Variants in PDE4D observed in about 807,000 individuals in gnomAD.
PDE4D encodes the protein phosphodiesterase 4D, also known as 3',5'-cyclic-AMP phosphodiesterase 4D.
In PDE4D, 24 loss-of-function variants were observed where a neutral mutation model predicts 87.4. The ratio of observed to expected loss-of-function variants is 0.27; its 90% CI spans 0.20 to 0.39. PDE4D has a LOEUF of 0.39. Ranked by LOEUF, PDE4D falls within the 10% of genes least tolerant of loss-of-function variation. The probability of loss-of-function intolerance (pLI) is 1.00; values close to 1 mark genes in which losing one functional copy is unlikely to be tolerated. For missense variants in PDE4D, 714 were observed against 1,041.0 expected (o/e 0.69, Z 4.32); for synonymous variants, 384 against 383.2 (o/e 1.00, Z -0.02).
chr5:59,591,391 C>G (rs1021794166), intron 1 of PDE4D, among the ~76,000 whole-genome samples: 10 of 152,128 alleles, frequency 6.6e-5, no homozygotes, highest in African/African-American at 2.2e-4. Flanking sequence ...ATTTCCTAGA[C>G]TCTTTAGTCA....
intron 1 of PDE4D, among the ~76,000 whole-genome samples, chr5:59,599,220 C>T (rs1410034906): frequency 1.5e-5 from 2 of 137,662 alleles, no homozygotes; most frequent in Non-Finnish European, 3.0e-5. Context: ...TAGCAAAATG[C>T]TGTTTTTTGC....
chr5:59,644,398 G>C (rs1426401360), intron 1 of PDE4D, among the ~76,000 whole-genome samples: 1 of 152,114 alleles, frequency 6.6e-6, no homozygotes, highest in Non-Finnish European at 1.5e-5. Context: ...TGTCTTTTAG[G>C]AATGGTTATA....
intron 5 of PDE4D, among the ~76,000 whole-genome samples, chr5:59,078,531 C>G (rs1157452793): frequency 1.4e-5 from 2 of 142,270 alleles, no homozygotes; most frequent in Non-Finnish European, 3.0e-5. Flanking sequence ...TTTTTGGTGA[C>G]AGGGTCTCAC....
chr5:60,212,996 G>A (rs551881700), intron 1 of PDE4D, among the ~76,000 whole-genome samples: 45 of 152,146 alleles, frequency 3.0e-4, no homozygotes, highest in African/African-American at 1.0e-3. Flanking sequence ...ATTGTCCCTT[G>A]AATGTTCATG....
At chr5:58,983,334 ACTT>A (rs150428158) in intron 11 of PDE4D, among the ~76,000 whole-genome samples, 105 of 152,368 alleles carry the variant, frequency 6.9e-4, no homozygotes, top group African/African-American at 2.3e-3. Flanking sequence ...CATTAGGGCC[ACTT>A]CTTTATGTAA....
At chr5:60,453,918 G>A (rs1237628940) in intron 1 of PDE4D, among the ~76,000 whole-genome samples, 1 of 152,118 alleles carries the variant, frequency 6.6e-6, no homozygotes, top group Admixed American at 6.6e-5. Flanking sequence ...CACCATAGAA[G>A]CAGACATACA....
chr5:59,596,600 T>C lies in PDE4D; in HGVS notation c.455+296568A>G, dbSNP rs141277468. 5.8e-3 allele frequency among the ~76,000 whole-genome samples: 878 copies of C among 152,122 alleles called. 11 individuals carry two copies. The highest frequency in any genetic ancestry group is 0.019 in the African/African-American group (805 of 41,516). ...CTCAGAGTCCTTATTATCTTGACAT[T>C]GACTTTGTTAAGTATTTTATTATCA... On this transcript the variant is annotated intron_variant, in intron 1 of 14. Coordinates refer to ENST00000340635, the MANE Select transcript of PDE4D (RefSeq NM_001104631.2).
intron 1 of PDE4D, among the ~76,000 whole-genome samples, chr5:59,754,076 TC>T (rs537687321): frequency 6.6e-4 from 101 of 152,322 alleles, no homozygotes; most frequent in African/African-American, 2.4e-3. Context: ...ATGCCTGTAA[TC>T]CCAGTACTTT....
chr5:59,460,658 T>C (rs149173924), intron 1 of PDE4D, among the ~76,000 whole-genome samples: 1,867 of 152,200 alleles, frequency 0.012, 19 homozygotes, highest in Non-Finnish European at 0.019. Flanking sequence ...GGTGACTGCC[T>C]TTTCCTGGAA....
At chr5:60,388,156 C>G (rs1762323244) in intron 1 of PDE4D, among the ~76,000 whole-genome samples, 1 of 152,172 alleles carries the variant, frequency 6.6e-6, no homozygotes, top group South Asian at 2.1e-4. Context: ...GTTCAGCTAT[C>G]TGGAAGCTCC....
At chr5:59,452,902 A>C (rs75229089) in intron 1 of PDE4D, among the ~76,000 whole-genome samples, 2,811 of 152,032 alleles carry the variant, frequency 0.018, 91 homozygotes, top group African/African-American at 0.065. Context: ...AGTGACTGAA[A>C]CAGGCATATC....
At chr5:59,425,659 T>C (rs1213708206) in intron 1 of PDE4D, among the ~76,000 whole-genome samples, 2 of 152,140 alleles carry the variant, frequency 1.3e-5, no homozygotes, top group Admixed American at 1.3e-4. Context: ...AATAAGGTGG[T>C]TGAATTTGAT....
At chr5:59,347,722 T>C (rs1188448606) in intron 1 of PDE4D, among the ~76,000 whole-genome samples, 2 of 152,292 alleles carry the variant, frequency 1.3e-5, no homozygotes, top group Non-Finnish European at 1.5e-5. Flanking sequence ...ATCTTCCTCC[T>C]TGTTTTACTT....
intron 1 of PDE4D, among the ~76,000 whole-genome samples, chr5:59,668,220 A>G (rs1408931645): frequency 6.6e-6 from 1 of 152,238 alleles, no homozygotes; most frequent in Admixed American, 6.5e-5. Flanking sequence ...TCTATCATAG[A>G]ATAATTAAAA....
chr5:60,197,740 A>G (rs1741434934), intron 1 of PDE4D, among the ~76,000 whole-genome samples: 1 of 151,714 alleles, frequency 6.6e-6, no homozygotes, highest in Non-Finnish European at 1.5e-5. Flanking sequence ...CAAGGCATAA[A>G]ATGAAGAAAC....
At chr5:59,170,480 A>G (rs1247027617) in intron 5 of PDE4D, among the ~76,000 whole-genome samples, 2 of 152,198 alleles carry the variant, frequency 1.3e-5, no homozygotes, top group Admixed American at 6.6e-5. Context: ...GGCGGGTCTC[A>G]CCAGTGCCCT....
At position 59,891,427 on chromosome 5, in the gene PDE4D, G is replaced by A. The variant is rs1396042002; in HGVS notation, c.455+1741C>T. Among the ~76,000 whole-genome samples, 4 of 152,236 alleles carry A rather than the reference G, an allele frequency of 2.6e-5. No individual in the cohort carries two copies. In the East Asian group the frequency reaches 7.7e-4, roughly 29 times the overall value. ...TCTATTAATAGGTCAAATATACAAA[G>A]TATCAGGCTTGCCTTCATTCTATCA... is the stretch of plus-strand genomic sequence containing the variant. On this transcript the variant is annotated intron_variant, in intron 1 of 14. Transcript: ENST00000340635.
At chr5:59,147,034 T>C (rs1778768482) in intron 5 of PDE4D, among the ~76,000 whole-genome samples, 1 of 152,158 alleles carries the variant, frequency 6.6e-6, no homozygotes. Context: ...TTGTGAACTG[T>C]GCATGCGAGG....
At chr5:59,650,185 G>A (rs1743221846) in intron 1 of PDE4D, among the ~76,000 whole-genome samples, 2 of 151,892 alleles carry the variant, frequency 1.3e-5, no homozygotes, top group Admixed American at 1.3e-4. Flanking sequence ...TCAGTAACAT[G>A]ATTAACTCTT....
Sources: allele counts gnomAD v4.1 joint callset (sites outside exome capture counted in the v4.1 genomes callset), GRCh38; gene constraint gnomAD v4.1.1; transcripts MANE v1.5; gene names NCBI Gene and HGNC (gene_info 2026-07-23, HGNC 2026-07-21).